The following SPRR2D variants were observed in gnomAD, a reference collection of about 807,000 sequenced individuals.
SPRR2D encodes small proline-rich protein 2D.
For missense variants in SPRR2D, 81 were observed against 87.2 expected (o/e 0.93, Z 0.28); for synonymous variants, 43 against 32.8 (o/e 1.31, Z -1.06).
chr1:153,040,277 G>C lies in SPRR2D; in HGVS notation c.70C>G (p.Pro24Ala). ...CACTTCGGGGGTGGACATGGCTCTGGGCACTTTGGCGTGGGGCACACAGGA... is the reference window on the plus strand; with the variant it reads ...CACTTCGGGGGTGGACATGGCTCTGCGCACTTTGGCGTGGGGCACACAGGA... Reference protein sequence around the residue: ...PPPVCPTPKCPEPCPPPKCPE... With the variant: ...PPPVCPTPKCAEPCPPPKCPE... The change falls in exon 2 of 2, where the codon CCA becomes GCA. Residue 24 changes from proline (P) to alanine (A), a missense_variant. Coordinates refer to ENST00000360379, the MANE Select transcript of SPRR2D (RefSeq NM_006945.5). 6.2e-7 allele frequency: 1 copy of C among 1,612,388 alleles called. No individual in the cohort carries two copies. The highest frequency in any genetic ancestry group is 8.5e-7 in the Non-Finnish European group (1 of 1,179,850).
At position 153,040,244 on chromosome 1, in the gene SPRR2D, G is replaced by T. The variant is rs926691400; in HGVS notation, c.103C>A (p.Pro35Thr). 1.2e-6 allele frequency: 2 copies of T among 1,612,554 alleles called. No individual in the cohort carries two copies. The highest frequency in any genetic ancestry group is 1.7e-5 in the Admixed American group (1 of 59,988). ...EPCPPPKCPE[P>T]CPSPKCPQPC... ...TGTGGACACTTTGGTGATGGGCAGG[G>T]CTCAGGGCACTTCGGGGGTGGACAT... is the stretch of plus-strand genomic sequence containing the variant. The change falls in exon 2 of 2, where the codon CCC (proline) becomes ACC (threonine). Residue 35 changes from proline (P) to threonine (T), a missense_variant. Coordinates refer to ENST00000360379, the MANE Select transcript of SPRR2D (RefSeq NM_006945.5).
intron 1 of SPRR2D, chr1:153,040,681 C>A (rs1570975784): frequency 2.2e-6 from 1 of 451,052 alleles, no homozygotes; most frequent in South Asian, 2.3e-5. Context: ...AGCAATCTCA[C>A]AAGCCATTTC....
Position 153,040,015 on chromosome 1 carries a change from G to A in SPRR2D, c.*113C>T, listed in dbSNP as rs1268131552. ...AGGCAGGCCACAGGTTAAGGAGAAA[G>A]AAGCTCCCTGTGCATCCATGGAAGG... On this transcript the variant is annotated 3_prime_UTR_variant, in exon 2 of 2. Coordinates refer to ENST00000360379, the MANE Select transcript of SPRR2D (RefSeq NM_006945.5). 4.6e-6 allele frequency: 7 copies of A among 1,524,854 alleles called. No individual in the cohort carries two copies. Among genetic ancestry groups the A allele is most frequent in the Non-Finnish European group, 6.2e-6 (7 of 1,134,032 alleles). The allele number at this position is 1,524,854 out of a possible 1,614,324, so 94.5% of individuals were successfully genotyped here.
chr1:153,039,967 C>G lies in SPRR2D; in HGVS notation c.*161G>C. On this transcript the variant is annotated 3_prime_UTR_variant, in exon 2 of 2. Transcript: ENST00000360379. The stretch of plus-strand genomic sequence containing the variant: ...AGTATGGCAGCCTCAGAAAGGGAAT[C>G]TTTTGCTGTCACAGATCATCACAGG... The G allele has an allele frequency of 7.2e-7, 1 of 1,387,452 alleles. No individual in the cohort carries two copies. The highest frequency in any genetic ancestry group is 1.4e-5 in the African/African-American group (1 of 69,192). 85.9% of individuals were successfully genotyped at this position (1,387,452 alleles called of 1,614,324 possible).
intron 1 of SPRR2D, 71 bp from the exon 2 acceptor site, chr1:153,040,436 T>C: frequency 6.3e-7 from 1 of 1,586,800 alleles, no homozygotes. Flanking sequence ...GCTTATGTAA[T>C]ACCATGAAAT....
intron 1 of SPRR2D, 141 bp from the exon 2 acceptor site, chr1:153,040,506 C>A (rs530483308): frequency 1.0e-5 from 14 of 1,396,018 alleles, no homozygotes; most frequent in Non-Finnish European, 1.9e-6. Context: ...AAGACTACTT[C>A]GTTTCTCCCT....
In SPRR2D at chr1:153,039,972, G is replaced by T; in HGVS notation, c.*156C>A. On this transcript the variant is annotated 3_prime_UTR_variant, in exon 2 of 2. Coordinates refer to ENST00000360379, the MANE Select transcript of SPRR2D (RefSeq NM_006945.5). Reference sequence around the variant, plus strand: ...GGCAGCCTCAGAAAGGGAATCTTTTGCTGTCACAGATCATCACAGGCAGGC... The same window carrying T: ...GGCAGCCTCAGAAAGGGAATCTTTTTCTGTCACAGATCATCACAGGCAGGC... The T allele has an allele frequency of 7.2e-7, 1 of 1,397,286 alleles. No homozygotes were observed. The highest frequency in any genetic ancestry group is 9.7e-7 in the Non-Finnish European group (1 of 1,034,930). 86.6% of individuals were successfully genotyped at this position (1,397,286 alleles called of 1,614,324 possible).
Position 153,039,982 on chromosome 1 carries a change from A to T in SPRR2D, c.*146T>A. On this transcript the variant is annotated 3_prime_UTR_variant, in exon 2 of 2. Transcript: ENST00000360379. ...GAAAGGGAATCTTTTGCTGTCACAGATCATCACAGGCAGGCCACAGGTTAA... is the reference window on the plus strand; with the variant it reads ...GAAAGGGAATCTTTTGCTGTCACAGTTCATCACAGGCAGGCCACAGGTTAA... 6.9e-7 allele frequency: 1 copy of T among 1,444,692 alleles called. No individual in the cohort carries two copies. The highest frequency in any genetic ancestry group is 2.4e-5 in the Admixed American group (1 of 42,130). 89.5% of individuals were successfully genotyped at this position (1,444,692 alleles called of 1,614,324 possible). A position where few individuals can be genotyped will look rare whatever the true frequency, so the allele number is the denominator to read the frequency against.
At position 153,040,011 on chromosome 1, in the gene SPRR2D, GA is replaced by G. The variant is rs1219116848; in HGVS notation, c.*116del. ...TCACAGGCAGGCCACAGGTTAAGGAGAAAGAAGCTCCCTGTGCATCCATGGA... is the reference window on the plus strand; with the variant it reads ...TCACAGGCAGGCCACAGGTTAAGGAGAAGAAGCTCCCTGTGCATCCATGGA... On this transcript the variant is annotated 3_prime_UTR_variant, in exon 2 of 2. Transcript: ENST00000360379. The G allele has an allele frequency of 4.6e-6, 7 of 1,521,158 alleles. No individual in the cohort carries two copies. The highest frequency in any genetic ancestry group is 6.2e-6 in the Non-Finnish European group (7 of 1,131,536). The allele number at this position is 1,521,158 out of a possible 1,614,324, so 94.2% of individuals were successfully genotyped here.
chr1:153,040,523 T>C, intron 1 of SPRR2D, 158 bp from the exon 2 acceptor site: 1 of 1,298,236 alleles, frequency 7.7e-7, no homozygotes. Context: ...CCCTTCCACT[T>C]TAGCAAATTG....
At position 153,039,953 on chromosome 1, in the gene SPRR2D, C is replaced by T; in HGVS notation, c.*175G>A. ...ACCTGGACAGTGGCAGTATGGCAGC[C>T]TCAGAAAGGGAATCTTTTGCTGTCA... is the stretch of plus-strand genomic sequence containing the variant. On this transcript the variant is annotated 3_prime_UTR_variant, in exon 2 of 2. Coordinates refer to ENST00000360379, the MANE Select transcript of SPRR2D (RefSeq NM_006945.5). The T allele has an allele frequency of 7.6e-7, 1 of 1,312,932 alleles. No homozygotes were observed. The highest frequency in any genetic ancestry group is 1.5e-5 in the South Asian group (1 of 66,654). 81.3% of individuals were successfully genotyped at this position (1,312,932 alleles called of 1,614,324 possible). A position where few individuals can be genotyped will look rare whatever the true frequency, so the allele number is the denominator to read the frequency against.
Position 153,039,925 on chromosome 1 carries a change from T to C in SPRR2D, c.*203A>G. 9.2e-7 allele frequency: 1 copy of C among 1,092,538 alleles called. No homozygotes were observed. The highest frequency in any genetic ancestry group is 1.3e-6 in the Non-Finnish European group (1 of 778,148). 67.7% of individuals were successfully genotyped at this position (1,092,538 alleles called of 1,614,324 possible). ...CAGCTGAGGACTTCCTTTTCTTAGC[T>C]CCACCTGGACAGTGGCAGTATGGCA... On this transcript the variant is annotated 3_prime_UTR_variant, in exon 2 of 2. Transcript: ENST00000360379.
rs1048276 is a variant in SPRR2D, at chr1:153,040,059, A to G, written c.*69T>C. The G allele has an allele frequency of 7.7e-6, 12 of 1,567,366 alleles. No individual in the cohort carries two copies. The highest frequency in any genetic ancestry group is 1.8e-5 in the Admixed American group (1 of 56,870). ...TGGAAGGCTTTGGTGAGAAGATGCA[A>G]GTGGAGCTGTGGAACGAGGTGAGCC... On this transcript the variant is annotated 3_prime_UTR_variant, in exon 2 of 2. Coordinates refer to ENST00000360379, the MANE Select transcript of SPRR2D (RefSeq NM_006945.5).
In SPRR2D at chr1:153,041,087, C is replaced by T. The variant is rs925652174; in HGVS notation, c.-29G>A. ...AAGGACTCACACTCACCAGGTTCTC[C>T]AAAGCAGATCGGTGCTAGAGTACCA... On this transcript the variant is annotated 5_prime_UTR_variant, in exon 1 of 2. Transcript: ENST00000360379. 6 of 153,852 alleles carry T rather than the reference C, an allele frequency of 3.9e-5. No homozygotes were observed. The highest frequency in any genetic ancestry group is 1.4e-4 in the African/African-American group (6 of 41,438). 9.5% of individuals were successfully genotyped at this position (153,852 alleles called of 1,614,324 possible).
rs139680357 is a variant in SPRR2D at position 153,040,287 on chromosome 1, C to T, written c.60G>A (p.Thr20=). 5.7e-4 allele frequency: 922 copies of T among 1,612,168 alleles called. 4 individuals are homozygous for T. The African/African-American group carries it at 0.01, about 18-fold the overall frequency. ...GTGGACATGGCTCTGGGCACTTTGG[C>T]GTGGGGCACACAGGAGGTGGCTGGC... ...QPCQPPPVCP[T]PKCPEPCPPP... is the part of the protein sequence containing the mutation. Residue 20 remains threonine (T), a synonymous_variant, in exon 2 of 2, where the codon ACG becomes ACA. Coordinates refer to ENST00000360379, the MANE Select transcript of SPRR2D (RefSeq NM_006945.5).
Position 153,039,966 on chromosome 1 carries a change from TC to T in SPRR2D, c.*161del. 7.3e-7 allele frequency: 1 copy of T among 1,377,674 alleles called. No homozygotes were observed. The highest frequency in any genetic ancestry group is 9.8e-7 in the Non-Finnish European group (1 of 1,019,936). 85.3% of individuals were successfully genotyped at this position (1,377,674 alleles called of 1,614,324 possible). ...CAGTATGGCAGCCTCAGAAAGGGAA[TC>T]TTTTGCTGTCACAGATCATCACAGG... On this transcript the variant is annotated 3_prime_UTR_variant, in exon 2 of 2. Coordinates refer to ENST00000360379, the MANE Select transcript of SPRR2D (RefSeq NM_006945.5).
chr1:153,039,947 G>T lies in SPRR2D; in HGVS notation c.*181C>A. ...AGCTCCACCTGGACAGTGGCAGTAT[G>T]GCAGCCTCAGAAAGGGAATCTTTTG... On this transcript the variant is annotated 3_prime_UTR_variant, in exon 2 of 2. Coordinates refer to ENST00000360379, the MANE Select transcript of SPRR2D (RefSeq NM_006945.5). 2.4e-6 allele frequency: 3 copies of T among 1,255,302 alleles called. No individual in the cohort carries two copies. The highest frequency in any genetic ancestry group is 3.3e-6 in the Non-Finnish European group (3 of 917,436). The allele number at this position is 1,255,302 out of a possible 1,614,324, so 77.8% of individuals were successfully genotyped here. A position where few individuals can be genotyped will look rare whatever the true frequency, so the allele number is the denominator to read the frequency against.
chr1:153,040,012 A>T lies in SPRR2D; in HGVS notation c.*116T>A, dbSNP rs905320617. On this transcript the variant is annotated 3_prime_UTR_variant, in exon 2 of 2. Coordinates refer to ENST00000360379, the MANE Select transcript of SPRR2D (RefSeq NM_006945.5). The stretch of plus-strand genomic sequence containing the variant: ...CACAGGCAGGCCACAGGTTAAGGAG[A>T]AAGAAGCTCCCTGTGCATCCATGGA... The T allele has an allele frequency of 6.6e-7, 1 of 1,521,946 alleles. No individual in the cohort carries two copies. Among genetic ancestry groups the T allele is most frequent in the African/African-American group, 1.4e-5 (1 of 72,326 alleles). The allele number at this position is 1,521,946 out of a possible 1,614,324, so 94.3% of individuals were successfully genotyped here.
At position 153,039,955 on chromosome 1, in the gene SPRR2D, C is replaced by T. The variant is rs1451261692; in HGVS notation, c.*173G>A. ...CTGGACAGTGGCAGTATGGCAGCCT[C>T]AGAAAGGGAATCTTTTGCTGTCACA... On this transcript the variant is annotated 3_prime_UTR_variant, in exon 2 of 2. Transcript: ENST00000360379. 174 of 1,327,474 alleles carry T rather than the reference C, an allele frequency of 1.3e-4. No homozygotes were observed. Among genetic ancestry groups the T allele is most frequent in the Admixed American group, 3.9e-4 (14 of 36,122 alleles). The allele number at this position is 1,327,474 out of a possible 1,614,324, so 82.2% of individuals were successfully genotyped here.
Sources: allele counts gnomAD v4.1 joint callset, GRCh38; gene constraint gnomAD v4.1.1; transcripts MANE v1.5; gene names NCBI Gene and HGNC (gene_info 2026-07-23, HGNC 2026-07-21).